Variants in NFIB observed in about 807,000 individuals in gnomAD.
NFIB encodes nuclear factor 1 B-type.
NFIB carries 11 observed loss-of-function variants against 61.5 expected under a neutral mutation model. The ratio of observed to expected loss-of-function variants is 0.18; its 90% CI spans 0.11 to 0.30. NFIB has a LOEUF of 0.30. NFIB is among the 10% of genes least tolerant of loss of function. The probability of loss-of-function intolerance (pLI) is 1.00; values close to 1 mark genes in which losing one functional copy is unlikely to be tolerated. For synonymous variants in NFIB, 260 were observed against 216.5 expected (o/e 1.20, Z -1.76); for missense variants, 471 against 608.9 (o/e 0.77, Z 2.38).
At chr9:14,497,774 G>C in the NFIB span, among the ~76,000 whole-genome samples, 247 of 152,334 alleles carry the variant, frequency 1.6e-3, 1 homozygote, top group African/African-American at 5.7e-3. Flanking sequence ...AGGCTGGACA[G>C]AGTAGATTTC....
chr9:14,487,739 A>G, the NFIB span, among the ~76,000 whole-genome samples: 2 of 152,214 alleles, frequency 1.3e-5, no homozygotes, highest in African/African-American at 2.4e-5. Context: ...AGCCAGCACC[A>G]TGGCTTTCCA....
the NFIB span, among the ~76,000 whole-genome samples, chr9:14,511,115 C>G: frequency 6.6e-6 from 1 of 152,112 alleles, no homozygotes; most frequent in Non-Finnish European, 1.5e-5. Flanking sequence ...TTGTGTTATA[C>G]TTGCCAATTT....
chr9:14,448,756 G>A, the NFIB span, among the ~76,000 whole-genome samples: 1 of 152,160 alleles, frequency 6.6e-6, no homozygotes, highest in African/African-American at 2.4e-5. Context: ...CAGCAAGCAA[G>A]GTGGGTAAAG....
At chr9:14,147,798 C>A (rs2042431364) in intron 5 of NFIB, among the ~76,000 whole-genome samples, 1 of 151,892 alleles carries the variant, frequency 6.6e-6, no homozygotes, top group South Asian at 2.1e-4. Context: ...CCTGTCACCA[C>A]ACCCAGCTGA....
chr9:14,431,134 T>C, the NFIB span, among the ~76,000 whole-genome samples: 1 of 152,214 alleles, frequency 6.6e-6, no homozygotes, highest in Non-Finnish European at 1.5e-5. Context: ...ACTAACTCAA[T>C]GTTGTGTTGG....
chr9:14,316,324 GC>G (rs1421517767), upstream of NFIB, among the ~76,000 whole-genome samples: 2 of 152,236 alleles, frequency 1.3e-5, no homozygotes, highest in Non-Finnish European at 2.9e-5. Flanking sequence ...TAAACCCAGA[GC>G]CCAAAGAAGA....
the NFIB span, among the ~76,000 whole-genome samples, chr9:14,439,057 C>T: frequency 6.6e-6 from 1 of 152,132 alleles, no homozygotes; most frequent in Non-Finnish European, 1.5e-5. Context: ...CTAACCAATC[C>T]CTGTGGAGCT....
At chr9:14,179,076 C>T (rs1162145427) in intron 3 of NFIB, among the ~76,000 whole-genome samples, 3 of 152,030 alleles carry the variant, frequency 2.0e-5, no homozygotes, top group African/African-American at 7.2e-5. Flanking sequence ...TGAGAAAAAA[C>T]ACTGTTCCTA....
At chr9:14,305,597 G>A (rs893194507) in intron 2 of NFIB, among the ~76,000 whole-genome samples, 12 of 152,118 alleles carry the variant, frequency 7.9e-5, no homozygotes, top group African/African-American at 2.9e-4. Flanking sequence ...TCAGGAAAAG[G>A]TAATATTTCT....
At chr9:14,246,300 T>G (rs1264143141) in intron 2 of NFIB, among the ~76,000 whole-genome samples, 3 of 152,076 alleles carry the variant, frequency 2.0e-5, no homozygotes, top group African/African-American at 7.2e-5. Context: ...TCCGACCCAT[T>G]AGATGGGAGG....
intron 6 of NFIB, among the ~76,000 whole-genome samples, chr9:14,126,245 C>G (rs559975956): frequency 1.3e-5 from 2 of 152,302 alleles, no homozygotes; most frequent in African/African-American, 2.4e-5. Flanking sequence ...AAAGTACATT[C>G]CTTAATTTAC....
intron 2 of NFIB, among the ~76,000 whole-genome samples, chr9:14,292,643 T>TC (rs1426811441): frequency 6.6e-6 from 1 of 152,170 alleles, no homozygotes; most frequent in Non-Finnish European, 1.5e-5. Flanking sequence ...GGACAAAGTT[T>TC]CCCAAGCACC....
At chr9:14,291,531 A>T (rs1352524895) in intron 2 of NFIB, among the ~76,000 whole-genome samples, 1 of 152,216 alleles carries the variant, frequency 6.6e-6, no homozygotes, top group African/African-American at 2.4e-5. Context: ...TTTTGAAATT[A>T]AATTCCCCTT....
At chr9:14,114,466 T>C (rs2037837599) in intron 9 of NFIB, among the ~76,000 whole-genome samples, 1 of 152,208 alleles carries the variant, frequency 6.6e-6, no homozygotes, top group Non-Finnish European at 1.5e-5. Context: ...TTTTTATTAC[T>C]GGTGGTGCCT....
chr9:14,247,081 A>G (rs185830044), intron 2 of NFIB, among the ~76,000 whole-genome samples: 3 of 152,186 alleles, frequency 2.0e-5, no homozygotes, highest in South Asian at 4.2e-4. Context: ...CCAGAATCCA[A>G]TGATGCTAAT....
At chr9:14,503,419 G>A in the NFIB span, among the ~76,000 whole-genome samples, 2 of 152,056 alleles carry the variant, frequency 1.3e-5, no homozygotes, top group Non-Finnish European at 2.9e-5. Flanking sequence ...CAGTGTAAAA[G>A]TGTTCCCTTT....
the NFIB span, among the ~76,000 whole-genome samples, chr9:14,522,530 A>C: frequency 2.0e-5 from 3 of 152,190 alleles, no homozygotes; most frequent in Non-Finnish European, 4.4e-5. Context: ...ATAGGATTCC[A>C]CGATTCCACC....
chr9:14,151,705 T>C (rs1354908555), intron 4 of NFIB, among the ~76,000 whole-genome samples: 3 of 152,090 alleles, frequency 2.0e-5, no homozygotes, highest in Non-Finnish European at 4.4e-5. Context: ...TAGGTAGAGA[T>C]AATGTGCAAA....
At chr9:14,150,343 T>C (rs2042728468) in intron 4 of NFIB, 78 bp from the exon 5 acceptor site, 1 of 1,595,398 alleles carries the variant, frequency 6.3e-7, no homozygotes, top group African/African-American at 1.3e-5. Context: ...ATCGAGAATC[T>C]TTCATGCCTC....
Sources: gnomAD v4.1 joint callset for allele counts (sites outside exome capture counted in the v4.1 genomes callset) on GRCh38, gnomAD v4.1.1 for gene constraint, MANE v1.5 for transcripts, NCBI Gene and HGNC (gene_info 2026-07-23, HGNC 2026-07-21) for gene names.